The following EFL1 variants were observed in gnomAD, a reference collection of about 807,000 sequenced individuals.
EFL1 encodes elongation factor like GTPase 1.
Under a neutral mutation model 126.7 loss-of-function variants are expected in EFL1, and 76 were observed. The observed-to-expected ratio is 0.60, with a 90% CI of 0.50 to 0.73. EFL1 has a LOEUF of 0.73. EFL1 is among the 30% of genes least tolerant of loss of function. The pLI is 0.00. For missense variants in EFL1, 1,128 were observed against 1,343.2 expected (o/e 0.84, Z 2.50); for synonymous variants, 410 against 448.4 (o/e 0.91, Z 1.08).
chr15:82,141,858 G>C (rs752924473), intron 18 of EFL1, among the ~76,000 whole-genome samples: 2 of 152,176 alleles, frequency 1.3e-5, no homozygotes, highest in Non-Finnish European at 2.9e-5. Flanking sequence ...ATGCCAGCAG[G>C]CTTAGATCAA....
chr15:82,235,843 C>A (rs1332056601), intron 7 of EFL1, among the ~76,000 whole-genome samples: 1 of 152,002 alleles, frequency 6.6e-6, no homozygotes, highest in African/African-American at 2.4e-5. Flanking sequence ...GAAATTCTAG[C>A]CAGTGCAATC....
chr15:82,177,019 C>T (rs945774070), intron 15 of EFL1, among the ~76,000 whole-genome samples: 1 of 152,140 alleles, frequency 6.6e-6, no homozygotes, highest in Non-Finnish European at 1.5e-5. Context: ...AGAGCACATT[C>T]TATATATAAA....
At chr15:82,230,430 C>T (rs1257322944) in intron 8 of EFL1, among the ~76,000 whole-genome samples, 11 of 151,980 alleles carry the variant, frequency 7.2e-5, no homozygotes, top group East Asian at 1.9e-4. Context: ...CTACACTGCA[C>T]GATGACCAGC....
chr15:82,199,229 A>G (rs1753873293), intron 15 of EFL1, among the ~76,000 whole-genome samples: 1 of 152,174 alleles, frequency 6.6e-6, no homozygotes, highest in South Asian at 2.1e-4. Flanking sequence ...AAAAACTTTG[A>G]AAAATGGAAC....
Position 82,130,313 on chromosome 15 carries a change from A to T in EFL1, c.*60T>A. The T allele has an allele frequency of 6.4e-7, 1 of 1,552,384 alleles. No individual in the cohort carries two copies. ...GGCAAAAAGAAATTTTCCCAATATTAAACCCTTGATGATACTTTTAAATTC... is the reference window on the plus strand; with the variant it reads ...GGCAAAAAGAAATTTTCCCAATATTTAACCCTTGATGATACTTTTAAATTC... On this transcript the variant is annotated 3_prime_UTR_variant, in exon 20 of 20. Coordinates refer to ENST00000268206, the MANE Select transcript of EFL1 (RefSeq NM_024580.6).
chr15:82,169,440 T>C (rs72749545), intron 15 of EFL1, among the ~76,000 whole-genome samples: 2,543 of 152,124 alleles, frequency 0.017, 37 homozygotes, highest in African/African-American at 0.036. Context: ...GTAGAGCTGC[T>C]AAGTCTTGGT....
At chr15:82,204,817 G>C (rs1263296413) in intron 15 of EFL1, among the ~76,000 whole-genome samples, 1 of 152,232 alleles carries the variant, frequency 6.6e-6, no homozygotes, top group African/African-American at 2.4e-5. Context: ...GGCCTGCCCA[G>C]TGTTGGCATG....
At chr15:82,251,733 A>G (rs1183667638) in intron 4 of EFL1, among the ~76,000 whole-genome samples, 1 of 152,226 alleles carries the variant, frequency 6.6e-6, no homozygotes, top group Non-Finnish European at 1.5e-5. Context: ...CATGCCCCAC[A>G]CAGTACATCT....
intron 15 of EFL1, among the ~76,000 whole-genome samples, chr15:82,194,726 C>A (rs1567058472): frequency 6.6e-6 from 1 of 152,278 alleles, no homozygotes; most frequent in Non-Finnish European, 1.5e-5. Flanking sequence ...CAGCAACCCA[C>A]GTTGTAAGGC....
At chr15:82,171,197 G>A (rs759934898) in intron 15 of EFL1, among the ~76,000 whole-genome samples, 1 of 152,188 alleles carries the variant, frequency 6.6e-6, no homozygotes, top group African/African-American at 2.4e-5. Context: ...AAAGCTGAAT[G>A]AGTAGGTGAA....
intron 15 of EFL1, among the ~76,000 whole-genome samples, chr15:82,205,267 C>A (rs1205324680): frequency 6.6e-6 from 1 of 152,196 alleles, no homozygotes; most frequent in African/African-American, 2.4e-5. Context: ...CTTCCCAGAA[C>A]CTCATTACCG....
chr15:82,214,279 A>C (rs1391792757), intron 15 of EFL1, among the ~76,000 whole-genome samples: 1 of 152,268 alleles, frequency 6.6e-6, no homozygotes, highest in Non-Finnish European at 1.5e-5. Context: ...ACGACGATCA[A>C]CTAATCTTAG....
intron 14 of EFL1, chr15:82,215,473 C>G (rs1258251097): frequency 6.6e-6 from 1 of 152,012 alleles, no homozygotes; most frequent in Non-Finnish European, 1.5e-5. Context: ...TATACAAGTA[C>G]AAGTACATTA....
chr15:82,238,217 T>C, intron 7 of EFL1, 90 bp downstream of exon 7: 7 of 1,389,034 alleles, frequency 5.0e-6, no homozygotes, highest in Non-Finnish European at 5.9e-6. Context: ...TAGGTGAATC[T>C]ATAATTATCT....
At chr15:82,170,360 C>T (rs370798730) in intron 15 of EFL1, among the ~76,000 whole-genome samples, 9 of 151,956 alleles carry the variant, frequency 5.9e-5, no homozygotes, top group African/African-American at 1.9e-4. Context: ...GTGATCCGCC[C>T]GCCTCGGCCT....
At chr15:82,203,997 G>A (rs1290045653) in intron 15 of EFL1, among the ~76,000 whole-genome samples, 1 of 152,078 alleles carries the variant, frequency 6.6e-6, no homozygotes, top group African/African-American at 2.4e-5. Flanking sequence ...ATTTTTTCAA[G>A]TGGTTGTATC....
intron 3 of EFL1, among the ~76,000 whole-genome samples, chr15:82,253,897 TCTC>T (rs2075045405): frequency 6.6e-6 from 1 of 152,094 alleles, no homozygotes; most frequent in South Asian, 2.1e-4. Context: ...AGACTAACCT[TCTC>T]CTCCTTTCTC....
intron 15 of EFL1, among the ~76,000 whole-genome samples, chr15:82,198,459 C>T (rs1002963821): frequency 6.6e-6 from 1 of 152,096 alleles, no homozygotes; most frequent in African/African-American, 2.4e-5. Context: ...GTTTAAAAAA[C>T]AAAAAACTCC....
chr15:82,164,034 A>G (rs2141242809), intron 15 of EFL1, 50 bp from the exon 16 acceptor site: 1 of 1,597,446 alleles, frequency 6.3e-7, no homozygotes, highest in African/African-American at 1.3e-5. Flanking sequence ...TAAATTCTGA[A>G]TTTATGTCAG....
Sources: allele counts gnomAD v4.1 joint callset (sites outside exome capture counted in the v4.1 genomes callset), GRCh38; gene constraint gnomAD v4.1.1; transcripts MANE v1.5; gene names NCBI Gene and HGNC (gene_info 2026-07-23, HGNC 2026-07-21).